The following CNTNAP2 variants were observed in gnomAD, a reference collection of about 807,000 sequenced individuals.
CNTNAP2 encodes contactin associated protein 2.
In CNTNAP2, 98 loss-of-function variants were observed where a neutral mutation model predicts 155.2. That is an observed-to-expected ratio of 0.63 (90% CI 0.54 to 0.75). The LOEUF is 0.75. Among genes scored for constraint, CNTNAP2 ranks in the 30% least tolerant of loss-of-function variants. The pLI is 0.00. For synonymous variants in CNTNAP2, 651 were observed against 631.2 expected, an observed-to-expected ratio of 1.03 and a Z score of -0.47; for missense variants, 1,727 against 1,688.1, an observed-to-expected ratio of 1.02 and a Z score of -0.40.
At chr7:148,413,404 ATATATATATAT>A (rs1799895606) in intron 23 of CNTNAP2, among the ~76,000 whole-genome samples, 290 of 24,628 alleles carry the variant, frequency 0.012, 77 homozygotes, top group African/African-American at 0.032. Context: ...AAAAAAAAAT[ATATATATATAT>A]ATATATATAT....
Position 148,405,470 on chromosome 7 carries a change from C to T in CNTNAP2, c.3716-3921C>T, listed in dbSNP as rs546492908. 7.1e-4 allele frequency among the ~76,000 whole-genome samples: 88 copies of T among 123,540 alleles called. 1 individual carries two copies. The highest frequency in any genetic ancestry group is 2.7e-3 in the African/African-American group (81 of 30,416). The allele number at this position is 123,540 out of a possible 152,430, so 81.0% of individuals were successfully genotyped here. ...TTGAGACGGAGTCTCGCTCTGTCGC[C>T]AGGGTGGAGTGCAGTGGTGCAATCT... On this transcript the variant is annotated intron_variant, in intron 22 of 23. Transcript: ENST00000361727.
intron 2 of CNTNAP2, among the ~76,000 whole-genome samples, chr7:146,810,626 G>GT (rs57123058): frequency 2.8e-4 from 41 of 147,930 alleles, no homozygotes; most frequent in East Asian, 1.6e-3. Context: ...CTTTCTATCT[G>GT]TTTTTTTTTT....
intron 10 of CNTNAP2, among the ~76,000 whole-genome samples, chr7:147,454,308 G>C (rs959953759): frequency 6.6e-6 from 1 of 152,122 alleles, no homozygotes; most frequent in South Asian, 2.1e-4. Context: ...GCAATAGGAC[G>C]TCGAGTTTAA....
chr7:147,942,655 C>T (rs1424488003), intron 14 of CNTNAP2, among the ~76,000 whole-genome samples: 3 of 152,070 alleles, frequency 2.0e-5, no homozygotes, highest in African/African-American at 7.2e-5. Flanking sequence ...TCTAATAATC[C>T]TACTACTGTC....
At chr7:146,563,389 C>T (rs1798310304) in intron 1 of CNTNAP2, among the ~76,000 whole-genome samples, 1 of 152,016 alleles carries the variant, frequency 6.6e-6, no homozygotes, top group East Asian at 1.9e-4. Flanking sequence ...TTACCTTTCT[C>T]GTTTGGGAAC....
At position 148,092,310 on chromosome 7, in the gene CNTNAP2, T is replaced by C. The variant is rs79428108; in HGVS notation, c.2384-25808T>C. On this transcript the variant is annotated intron_variant, in intron 15 of 23. Coordinates refer to ENST00000361727, the MANE Select transcript of CNTNAP2 (RefSeq NM_014141.6). ...TCTAGTCTGGGGAATCATACATCAA[T>C]CCACACAGGAATATGCATCAAGTGT... 7.5e-3 allele frequency among the ~76,000 whole-genome samples: 1,146 copies of C among 152,272 alleles called. 21 individuals carry two copies. The highest frequency in any genetic ancestry group is 0.026 in the African/African-American group (1,092 of 41,544).
chr7:146,392,535 G>A (rs10258224), intron 1 of CNTNAP2, among the ~76,000 whole-genome samples: 20,207 of 152,228 alleles, frequency 0.13, 1,642 homozygotes, highest in African/African-American at 0.23. Flanking sequence ...GAGAAAGAAA[G>A]TGGAAATTTC....
chr7:146,718,176 C>T (rs553665282), intron 1 of CNTNAP2, among the ~76,000 whole-genome samples: 1 of 152,270 alleles, frequency 6.6e-6, no homozygotes, highest in South Asian at 2.1e-4. Flanking sequence ...ACAGTCAGTG[C>T]ACATGTTGTT....
At chr7:147,662,206 A>G (rs982640333) in intron 13 of CNTNAP2, among the ~76,000 whole-genome samples, 3 of 152,246 alleles carry the variant, frequency 2.0e-5, no homozygotes, top group Admixed American at 6.5e-5. Context: ...CACTTTGCCC[A>G]GTAAGTACCC....
chr7:147,108,221 A>G lies in CNTNAP2; in HGVS notation c.625A>G (p.Lys209Glu). ...RFRNKKMKTLKDVIALNFKTS... is the reference protein window; with the variant it reads ...RFRNKKMKTLEDVIALNFKTS... Reference sequence around the variant, plus strand: ...CAGAAACAAGAAGATGAAAACACTGAAAGATGTCATTGCCTTGAACTTTAA... The same window carrying G: ...CAGAAACAAGAAGATGAAAACACTGGAAGATGTCATTGCCTTGAACTTTAA... Residue 209 changes from lysine to glutamate, a missense_variant, in exon 5 of 24, where the codon AAA becomes GAA. Transcript: ENST00000361727. The G allele has an allele frequency of 6.2e-7, 1 of 1,613,776 alleles. No homozygotes were observed. The highest frequency in any genetic ancestry group is 8.5e-7 in the Non-Finnish European group (1 of 1,179,816).
chr7:147,092,699 A>G lies in CNTNAP2; in HGVS notation c.551-15448A>G, dbSNP rs577519149. ...GAGCTTCACCATAGAGGGAATGTAA[A>G]TTGAAAAATGTGATTTGGATTCTGT... On this transcript the variant is annotated intron_variant, in intron 4 of 23. Transcript: ENST00000361727. 4.6e-5 allele frequency among the ~76,000 whole-genome samples: 7 copies of G among 152,334 alleles called. No individual in the cohort carries two copies. The East Asian group carries it at 1.2e-3, about 25-fold the overall frequency.
intron 1 of CNTNAP2, among the ~76,000 whole-genome samples, chr7:146,683,098 A>T (rs950701860): frequency 6.6e-6 from 1 of 152,060 alleles, no homozygotes; most frequent in Admixed American, 6.6e-5. Flanking sequence ...CAGTGGCAGG[A>T]TCTCAGCTCA....
intron 1 of CNTNAP2, among the ~76,000 whole-genome samples, chr7:146,295,937 A>C (rs1800508085): frequency 6.6e-6 from 1 of 152,036 alleles, no homozygotes; most frequent in Non-Finnish European, 1.5e-5. Context: ...TGCTTGACAG[A>C]GCAAAGTGAA....
At chr7:146,895,043 G>A (rs1401173601) in intron 3 of CNTNAP2, among the ~76,000 whole-genome samples, 1 of 151,828 alleles carries the variant, frequency 6.6e-6, no homozygotes, top group African/African-American at 2.4e-5. Flanking sequence ...CCATCTACAG[G>A]GACAGTTTTT....
At chr7:147,860,035 G>T (rs1209281611) in intron 13 of CNTNAP2, among the ~76,000 whole-genome samples, 1 of 152,152 alleles carries the variant, frequency 6.6e-6, no homozygotes, top group African/African-American at 2.4e-5. Context: ...ATGTGTCAAG[G>T]GAGGGACCTG....
At chr7:147,129,526 T>A (rs966526176) in intron 7 of CNTNAP2, among the ~76,000 whole-genome samples, 1 of 152,188 alleles carries the variant, frequency 6.6e-6, no homozygotes, top group African/African-American at 2.4e-5. Context: ...GACACTTAGT[T>A]TGCAATTTTA....
At chr7:148,205,860 T>C (rs1439421104) in intron 18 of CNTNAP2, among the ~76,000 whole-genome samples, 1 of 152,220 alleles carries the variant, frequency 6.6e-6, no homozygotes, top group Non-Finnish European at 1.5e-5. Flanking sequence ...CAGTTCTTCC[T>C]TTCAGAAACT....
chr7:147,932,767 A>C (rs1294731073), intron 14 of CNTNAP2, among the ~76,000 whole-genome samples: 4 of 152,232 alleles, frequency 2.6e-5, no homozygotes, highest in African/African-American at 7.2e-5. Flanking sequence ...CAATACAGTG[A>C]AAAGGCAACC....
In CNTNAP2 at chr7:146,305,102, C is replaced by T. The variant is rs187578873; in HGVS notation, c.97+188129C>T. Among the ~76,000 whole-genome samples the T allele has an allele frequency of 9.2e-5, 14 of 152,186 alleles. No individual in the cohort carries two copies. In the East Asian group the frequency reaches 1.6e-3, roughly 17 times the overall value. The stretch of plus-strand genomic sequence containing the variant: ...GTCCATGCATCACGTCGTTCTCATG[C>T]CATGGTTTTTAGCTCCATCAGGTCA... On this transcript the variant is annotated intron_variant, in intron 1 of 23. Coordinates refer to ENST00000361727, the MANE Select transcript of CNTNAP2 (RefSeq NM_014141.6).
Sources: gnomAD v4.1 joint callset for allele counts (sites outside exome capture counted in the v4.1 genomes callset) on GRCh38, gnomAD v4.1.1 for gene constraint, MANE v1.5 for transcripts, NCBI Gene and HGNC (gene_info 2026-07-23, HGNC 2026-07-21) for gene names.